The following RUNX3 variants were observed in gnomAD, a reference collection of about 807,000 sequenced individuals.
The protein encoded by RUNX3 is RUNX family transcription factor 3, also known as runt-related transcription factor 3.
RUNX3 carries 10 observed loss-of-function variants against 27.7 expected under a neutral mutation model. That is an observed-to-expected ratio of 0.36 (90% CI 0.22 to 0.61). RUNX3 has a LOEUF of 0.61. Ranked by LOEUF, RUNX3 falls within the 20% of genes least tolerant of loss-of-function variation. The probability of loss-of-function intolerance (pLI) is 0.72; values close to 1 mark genes in which losing one functional copy is unlikely to be tolerated. For synonymous variants in RUNX3, 270 were observed against 269.2 expected (o/e 1.00, Z -0.03); for missense variants, 469 against 629.5 (o/e 0.75, Z 2.73).
intron 3 of RUNX3, among the ~76,000 whole-genome samples, chr1:24,909,920 G>A (rs990213755): frequency 9.9e-5 from 15 of 152,208 alleles, no homozygotes; most frequent in Non-Finnish European, 2.1e-4. Context: ...CTGCAACTGC[G>A]GAGAGGCGAG....
chr1:24,913,317 C>T (rs1640829504), intron 3 of RUNX3, among the ~76,000 whole-genome samples: 1 of 152,220 alleles, frequency 6.6e-6, no homozygotes. Context: ...CAGATCCCAG[C>T]CTGCCCCTCC....
intron 3 of RUNX3, among the ~76,000 whole-genome samples, chr1:24,910,664 G>C (rs942863368): frequency 2.0e-5 from 3 of 152,196 alleles, no homozygotes; most frequent in Non-Finnish European, 4.4e-5. Flanking sequence ...AAGAAAGCAG[G>C]GGGCCTGGGA....
rs1301558395 is a variant in RUNX3, at chr1:24,943,872, C to T, written c.59-14020G>A. On this transcript the variant is annotated intron_variant, in intron 2 of 6. Coordinates refer to the RUNX3 transcript ENST00000338888. This position sits in a 1 kb window ranked among gnomAD's most constrained non-coding sequence, Gnocchi z 4.6. ...TCTTTTGAACATCTAACCTGAATCC[C>T]TCGTTTGCAGGGAAAGCCTCTTCCT... Among the ~76,000 whole-genome samples, 1 of 152,198 alleles carries T rather than the reference C, an allele frequency of 6.6e-6. No homozygotes were observed. Among genetic ancestry groups the T allele is most frequent in the Non-Finnish European group, 1.5e-5 (1 of 68,034 alleles).
chr1:24,942,045 A>G (rs1641490988), intron 2 of RUNX3, among the ~76,000 whole-genome samples: 1 of 152,236 alleles, frequency 6.6e-6, no homozygotes, highest in South Asian at 2.1e-4. Context: ...AGCCTTAATC[A>G]AATCCAGGGT....
At chr1:24,921,704 G>A (rs1157502444) in intron 2 of RUNX3, among the ~76,000 whole-genome samples, 1 of 152,090 alleles carries the variant, frequency 6.6e-6, no homozygotes, top group East Asian at 1.9e-4. Flanking sequence ...CACTCTCCTG[G>A]GGTCCCTGAG....
At chr1:24,946,854 A>C (rs907368521) in intron 2 of RUNX3, among the ~76,000 whole-genome samples, 4 of 152,158 alleles carry the variant, frequency 2.6e-5, no homozygotes, top group African/African-American at 9.7e-5. Flanking sequence ...CACCTCCTCC[A>C]GAGAAAAGCC....
rs1433278808 is a variant in RUNX3, at chr1:24,927,910, G to A, written c.283-180C>T. Among the ~76,000 whole-genome samples, 4 of 152,154 alleles carry A rather than the reference G, an allele frequency of 2.6e-5. No homozygotes were observed. The highest frequency in any genetic ancestry group is 1.3e-4 in the Admixed American group (2 of 15,280). ...ATAAAGACCTTCCCCCAAATATCAC[G>A]AAAACAAGAAGATGGAATCTCGAGC... On this transcript the variant is annotated intron_variant, in intron 1 of 4. Transcript: ENST00000308873. This position sits in a 1 kb window ranked among gnomAD's most constrained non-coding sequence, Gnocchi z 5.0.
chr1:24,934,986 C>A (rs1041595179), upstream of RUNX3, among the ~76,000 whole-genome samples: 3 of 152,210 alleles, frequency 2.0e-5, no homozygotes, highest in African/African-American at 4.8e-5. Flanking sequence ...ACCACCTGCT[C>A]TCCTTTGGCC....
chr1:24,950,563 G>T (rs1478657826), intron 2 of RUNX3, among the ~76,000 whole-genome samples: 6 of 152,200 alleles, frequency 3.9e-5, no homozygotes, highest in Admixed American at 3.9e-4. Context: ...GAGGTGGGGG[G>T]GCCAGGTAGC....
chr1:24,942,501 G>C (rs1641502435), intron 2 of RUNX3, among the ~76,000 whole-genome samples: 2 of 152,118 alleles, frequency 1.3e-5, no homozygotes, highest in Non-Finnish European at 2.9e-5. Flanking sequence ...CAATACTTTA[G>C]ACAGGGTGGT....
In RUNX3 at chr1:24,902,680, G is replaced by A. The variant is rs375959072; in HGVS notation, c.704-14C>T. On this transcript the variant is annotated splice_polypyrimidine_tract_variant and intron_variant, in intron 4 of 4. Coordinates refer to ENST00000308873, the MANE Select transcript of RUNX3 (RefSeq NM_004350.3). This position sits in a 1 kb window ranked among gnomAD's most constrained non-coding sequence, Gnocchi z 9.2. ...GTTCCGAGGTGCCTGGAGGACAGCA[G>A]GGAAGAGGTCAGTTCCAGCTCGAGA... is the stretch of plus-strand genomic sequence containing the variant. The A allele has an allele frequency of 8.1e-5, 123 of 1,510,102 alleles. 1 individual carries two copies. Among genetic ancestry groups the A allele is most frequent in the East Asian group, 6.6e-4 (29 of 43,762 alleles). The allele number at this position is 1,510,102 out of a possible 1,614,324, so 93.5% of individuals were successfully genotyped here.
At chr1:24,964,641 G>C in exon 2 of RUNX3, 1 of 1,546,696 alleles carries the variant, frequency 6.5e-7, no homozygotes, top group African/African-American at 1.4e-5. Context: ...TTGGTTGGCT[G>C]TTGTTTTATT....
chr1:24,921,645 C>T (rs1641003143), intron 2 of RUNX3, among the ~76,000 whole-genome samples: 2 of 152,200 alleles, frequency 1.3e-5, no homozygotes, highest in African/African-American at 4.8e-5. Flanking sequence ...CCTTTCCTCA[C>T]TCTGAGGTCA....
rs1285554377 is a variant in RUNX3, at chr1:24,904,614, G to A, written c.704-1948C>T. On this transcript the variant is annotated intron_variant, in intron 4 of 4. Coordinates refer to ENST00000308873, the MANE Select transcript of RUNX3 (RefSeq NM_004350.3). The surrounding 1 kb of genome is among the most constrained non-coding windows in gnomAD (Gnocchi z 5.7). ...ATGGGTGGGGTGGAAGTGGGTGCTGGCCGCCTGATGGGAACCCCATTCTCA... is the reference window on the plus strand; with the variant it reads ...ATGGGTGGGGTGGAAGTGGGTGCTGACCGCCTGATGGGAACCCCATTCTCA... Among the ~76,000 whole-genome samples, 1 of 152,180 alleles carries A rather than the reference G, an allele frequency of 6.6e-6. No individual in the cohort carries two copies. Among genetic ancestry groups the A allele is most frequent in the African/African-American group, 2.4e-5 (1 of 41,424 alleles).
intron 2 of RUNX3, among the ~76,000 whole-genome samples, chr1:24,939,034 G>A (rs1348739617): frequency 6.6e-6 from 1 of 152,098 alleles, no homozygotes. Flanking sequence ...CTCCCCAATC[G>A]CATTTGGGCT....
intron 3 of RUNX3, among the ~76,000 whole-genome samples, chr1:24,911,273 C>T (rs1180125175): frequency 6.6e-6 from 1 of 152,254 alleles, no homozygotes; most frequent in Non-Finnish European, 1.5e-5. Context: ...AGGGCTGGTG[C>T]AAAACCTCAG....
At chr1:24,932,978 C>T (rs1031900784), upstream of RUNX3, among the ~76,000 whole-genome samples, 1 of 152,222 alleles carries the variant, frequency 6.6e-6, no homozygotes, top group Non-Finnish European at 1.5e-5. Context: ...AACCCATCCC[C>T]GGGCAAATAG....
intron 3 of RUNX3, among the ~76,000 whole-genome samples, chr1:24,917,203 G>A (rs558629073): frequency 1.3e-5 from 2 of 152,256 alleles, no homozygotes; most frequent in African/African-American, 4.8e-5. Flanking sequence ...TTTCTGGAGT[G>A]GCTTCTGAGT....
Position 24,902,808 on chromosome 1 carries a change from G to A in RUNX3, c.704-142C>T. 1 of 626,362 alleles carries A rather than the reference G, an allele frequency of 1.6e-6. No individual in the cohort carries two copies. The highest frequency in any genetic ancestry group is 2.5e-6 in the Non-Finnish European group (1 of 407,226). The allele number at this position is 626,362 out of a possible 1,614,324, so 38.8% of individuals were successfully genotyped here. ...ACCTGGCTCTCCTCTTCCTGCCCTA[G>A]GCTGCCCGGGGCCTCCCCCGCCAGG... On this transcript the variant is annotated intron_variant, in intron 4 of 4. Transcript: ENST00000308873. The surrounding 1 kb of genome is among the most constrained non-coding windows in gnomAD (Gnocchi z 9.2).
Sources: allele counts gnomAD v4.1 joint callset (sites outside exome capture counted in the v4.1 genomes callset), GRCh38; gene constraint gnomAD v4.1.1; non-coding constraint Gnocchi (gnomAD v3.1); transcripts MANE v1.5; gene names NCBI Gene and HGNC (gene_info 2026-07-23, HGNC 2026-07-21).